Variants in MIPOL1 observed in about 807,000 individuals in gnomAD.
MIPOL1 encodes the protein mirror-image polydactyly 1.
A neutral mutation model predicts 60.9 loss-of-function variants in MIPOL1; 57 were observed. The observed-to-expected ratio is 0.94, with a 90% confidence interval of 0.76 to 1.17. The LOEUF (loss-of-function observed/expected upper bound fraction) is 1.17, where lower values mean the gene tolerates loss of function less well. Ranked by LOEUF, MIPOL1 falls within the 50% of genes most tolerant of loss-of-function variation. The pLI, the probability that MIPOL1 is intolerant of heterozygous loss-of-function variation, is 0.00. For synonymous variants in MIPOL1, 179 were observed against 168.8 expected (o/e 1.06, Z -0.47); for missense variants, 551 against 511.6 (o/e 1.08, Z -0.74).
chr14:37,528,519 A>G (rs1036203154), intron 12 of MIPOL1, among the ~76,000 whole-genome samples: 1 of 152,110 alleles, frequency 6.6e-6, no homozygotes, highest in Non-Finnish European at 1.5e-5. Context: ...GGAACTGTGT[A>G]TTTTTAACTC....
chr14:37,443,773 C>T (rs2094289881), intron 11 of MIPOL1, among the ~76,000 whole-genome samples: 1 of 146,000 alleles, frequency 6.8e-6, no homozygotes, highest in Admixed American at 6.8e-5. Context: ...AAAACCTCTA[C>T]AAAAACTAGC....
At chr14:37,472,024 C>T (rs1042307003) in intron 11 of MIPOL1, among the ~76,000 whole-genome samples, 2 of 152,152 alleles carry the variant, frequency 1.3e-5, no homozygotes, top group Non-Finnish European at 2.9e-5. Flanking sequence ...AAAGCATATG[C>T]TTACAGTAGG....
intron 12 of MIPOL1, among the ~76,000 whole-genome samples, chr14:37,541,637 TC>T (rs1242073394): frequency 6.6e-6 from 1 of 152,218 alleles, no homozygotes; most frequent in Non-Finnish European, 1.5e-5. Flanking sequence ...GCCTTTTTCC[TC>T]ACTCTATGCT....
At chr14:37,480,743 A>C (rs1269922136) in intron 11 of MIPOL1, among the ~76,000 whole-genome samples, 3 of 152,180 alleles carry the variant, frequency 2.0e-5, no homozygotes, top group Non-Finnish European at 4.4e-5. Context: ...AAGTCATTCA[A>C]ATAGGAAAGA....
intron 11 of MIPOL1, among the ~76,000 whole-genome samples, chr14:37,467,179 A>G (rs953611822): frequency 2.0e-5 from 3 of 152,234 alleles, no homozygotes; most frequent in African/African-American, 7.2e-5. Flanking sequence ...TTTTATCTTT[A>G]TAACCCTAAA....
Position 37,250,300 on chromosome 14 carries a change from C to A in MIPOL1, c.19+2393C>A, listed in dbSNP as rs977488653. On this transcript the variant is annotated intron_variant, in intron 3 of 12. Coordinates refer to ENST00000684589, the MANE Select transcript of MIPOL1 (RefSeq NM_001388067.1). ...CGGTGGCTTATGCCTGTAATCCCAGCACTTTGAGAGGCGAAGGCAGGTGGG... is the reference window on the plus strand; with the variant it reads ...CGGTGGCTTATGCCTGTAATCCCAGAACTTTGAGAGGCGAAGGCAGGTGGG... 3.4e-4 allele frequency among the ~76,000 whole-genome samples: 52 copies of A among 152,132 alleles called. 1 individual carries two copies. The highest frequency in any genetic ancestry group is 1.2e-3 in the African/African-American group (50 of 41,434).
At chr14:37,454,722 G>A (rs916787978) in intron 11 of MIPOL1, among the ~76,000 whole-genome samples, 1 of 152,144 alleles carries the variant, frequency 6.6e-6, no homozygotes, top group Non-Finnish European at 1.5e-5. Flanking sequence ...GCATAAAGAA[G>A]CATGTATGTA....
intron 10 of MIPOL1, 56 bp downstream of exon 10, chr14:37,369,680 C>G (rs2092586015): frequency 7.7e-7 from 1 of 1,295,426 alleles, no homozygotes. Flanking sequence ...TTGGTGCCAG[C>G]TTTCTGTGCT....
At chr14:37,415,912 A>G (rs1302162990) in intron 10 of MIPOL1, among the ~76,000 whole-genome samples, 3 of 152,134 alleles carry the variant, frequency 2.0e-5, no homozygotes, top group African/African-American at 7.2e-5. Context: ...TGCTGTGTCT[A>G]TGTATAACTG....
At chr14:37,317,390 G>T (rs905909788) in intron 9 of MIPOL1, among the ~76,000 whole-genome samples, 3 of 152,140 alleles carry the variant, frequency 2.0e-5, no homozygotes, top group Non-Finnish European at 4.4e-5. Context: ...TTTTAAAAAC[G>T]TGTCAGGGAA....
At chr14:37,475,597 T>G (rs1337314987) in intron 11 of MIPOL1, among the ~76,000 whole-genome samples, 1 of 152,192 alleles carries the variant, frequency 6.6e-6, no homozygotes, top group Non-Finnish European at 1.5e-5. Flanking sequence ...TTACGTTTTG[T>G]GAAAAGTGCA....
chr14:37,528,343 A>G (rs988181564), intron 12 of MIPOL1, among the ~76,000 whole-genome samples: 6 of 152,014 alleles, frequency 3.9e-5, no homozygotes, highest in Non-Finnish European at 8.8e-5. Context: ...ATTGTACTAT[A>G]ATTTAATTGT....
intron 9 of MIPOL1, among the ~76,000 whole-genome samples, chr14:37,318,460 C>T (rs2088176927): frequency 6.6e-6 from 1 of 151,982 alleles, no homozygotes; most frequent in South Asian, 2.1e-4. Context: ...AATTTTTTCC[C>T]TTGTCAGTTT....
chr14:37,253,309 A>G (rs1286187553), intron 3 of MIPOL1, among the ~76,000 whole-genome samples: 1 of 151,796 alleles, frequency 6.6e-6, no homozygotes. Flanking sequence ...TACAAGTTTC[A>G]TAAATCTTTG....
At chr14:37,455,063 T>C (rs1198718573) in intron 11 of MIPOL1, among the ~76,000 whole-genome samples, 1 of 152,170 alleles carries the variant, frequency 6.6e-6, no homozygotes, top group Non-Finnish European at 1.5e-5. Flanking sequence ...TCTCTCTCTC[T>C]TTAGTTTCAG....
At position 37,292,981 on chromosome 14, in the gene MIPOL1, A is replaced by C. The variant is rs929884204; in HGVS notation, c.623+7534A>C. ...GGGATTTTGCTTGGTGCCAAGCATT[A>C]AGGGTTCATGCTATCTGGCCTCTCT... On this transcript the variant is annotated intron_variant, in intron 7 of 12. Transcript: ENST00000684589. Among the ~76,000 whole-genome samples, 7 of 152,044 alleles carry C rather than the reference A, an allele frequency of 4.6e-5. No homozygotes were observed. In the South Asian group the frequency reaches 8.3e-4, roughly 18 times the overall value.
chr14:37,224,971 C>A (rs1320162526), intron 1 of MIPOL1, among the ~76,000 whole-genome samples: 1 of 152,196 alleles, frequency 6.6e-6, no homozygotes. Context: ...AAAGGAGCTA[C>A]AGGCCCCATG....
chr14:37,510,407 T>A (rs1376106362), intron 12 of MIPOL1, among the ~76,000 whole-genome samples: 1 of 152,020 alleles, frequency 6.6e-6, no homozygotes, highest in Non-Finnish European at 1.5e-5. Flanking sequence ...TTTTGTTTTG[T>A]TTTGTTTTTG....
At chr14:37,242,358 A>G (rs1972491941) in intron 1 of MIPOL1, among the ~76,000 whole-genome samples, 1 of 152,062 alleles carries the variant, frequency 6.6e-6, no homozygotes, top group African/African-American at 2.4e-5. Flanking sequence ...ATGTATATAT[A>G]TGTGAGTATA....
Sources: allele counts gnomAD v4.1 joint callset (sites outside exome capture counted in the v4.1 genomes callset), GRCh38; gene constraint gnomAD v4.1.1; transcripts MANE v1.5; gene names NCBI Gene and HGNC (gene_info 2026-07-23, HGNC 2026-07-21).